The following COX10 variants were observed in gnomAD, a reference collection of about 807,000 sequenced individuals.
COX10 encodes protoheme IX farnesyltransferase, mitochondrial.
Under a neutral mutation model 37.3 loss-of-function variants are expected in COX10, and 27 were observed. That is an observed-to-expected ratio of 0.72 (90% CI 0.53 to 1.00). The LOEUF is 1.00. Among genes scored for constraint, COX10 ranks in the 50% least tolerant of loss-of-function variants. COX10 has a pLI of 0.00. For synonymous variants in COX10, 222 were observed against 229.1 expected, an observed-to-expected ratio of 0.97 and a Z score of 0.28; for missense variants, 475 against 563.2, an observed-to-expected ratio of 0.84 and a Z score of 1.59.
At chr17:14,184,727 G>C (rs1190395555) in intron 5 of COX10, among the ~76,000 whole-genome samples, 3 of 152,204 alleles carry the variant, frequency 2.0e-5, no homozygotes, top group African/African-American at 4.8e-5. Flanking sequence ...GATATATAAT[G>C]AAAGACAACT....
chr17:14,192,316 T>A (rs1024909067), intron 6 of COX10, 95 bp downstream of exon 6: 3 of 1,613,692 alleles, frequency 1.9e-6, no homozygotes, highest in Non-Finnish European at 2.5e-6. Context: ...TTCCATTCCA[T>A]CCCACATTAA....
chr17:14,070,418 T>C (rs116811525), intron 1 of COX10, among the ~76,000 whole-genome samples: 1,847 of 152,340 alleles, frequency 0.012, 34 homozygotes, highest in African/African-American at 0.042. Flanking sequence ...ATATAAACCT[T>C]GTGATGGCAG....
intron 4 of COX10, among the ~76,000 whole-genome samples, chr17:14,126,321 G>A (rs147404309): frequency 0.013 from 1,937 of 152,142 alleles, 12 homozygotes; most frequent in African/African-American, 0.022. Flanking sequence ...AAAAGGTTCC[G>A]TATAAACTCT....
At chr17:14,123,832 G>A (rs544954998) in intron 4 of COX10, among the ~76,000 whole-genome samples, 3 of 152,272 alleles carry the variant, frequency 2.0e-5, no homozygotes, top group African/African-American at 7.2e-5. Flanking sequence ...ACAGGTGCAT[G>A]CAATTTATGT....
intron 5 of COX10, among the ~76,000 whole-genome samples, chr17:14,182,718 A>G (rs1296790781): frequency 6.6e-6 from 1 of 152,006 alleles, no homozygotes; most frequent in Non-Finnish European, 1.5e-5. Context: ...TTGTAATTTC[A>G]AAGTCATTTA....
chr17:14,143,031 C>G (rs1282896506), intron 4 of COX10, among the ~76,000 whole-genome samples: 1 of 152,178 alleles, frequency 6.6e-6, no homozygotes, highest in African/African-American at 2.4e-5. Context: ...GTCCCTCTAT[C>G]ATGTGGATGG....
chr17:14,133,625 C>A (rs1484355931), intron 4 of COX10, among the ~76,000 whole-genome samples: 1 of 151,450 alleles, frequency 6.6e-6, no homozygotes, highest in African/African-American at 2.4e-5. Context: ...AAAATGCCTG[C>A]CATCACTACC....
chr17:14,181,113 C>T (rs1397028882), intron 5 of COX10, among the ~76,000 whole-genome samples: 5 of 151,874 alleles, frequency 3.3e-5, no homozygotes, highest in Admixed American at 1.3e-4. Context: ...AGAAAATGTC[C>T]TTGGAGGAGT....
In COX10 at chr17:14,167,309, T is replaced by C. The variant is rs1050235709; in HGVS notation, c.695+7362T>C. Among the ~76,000 whole-genome samples the C allele has an allele frequency of 2.0e-5, 3 of 152,246 alleles. No homozygotes were observed. The South Asian group carries it at 6.2e-4, about 31-fold the overall frequency. On this transcript the variant is annotated intron_variant, in intron 5 of 6. Coordinates refer to ENST00000261643, the MANE Select transcript of COX10 (RefSeq NM_001303.4). ...GAAAGTGGTTTCTTGAGACCCAATG[T>C]ATTTCTGACGAAGATGCTGTGAACA... is the stretch of plus-strand genomic sequence containing the variant.
intron 4 of COX10, among the ~76,000 whole-genome samples, chr17:14,122,566 G>T (rs1021118879): frequency 1.3e-5 from 2 of 152,052 alleles, no homozygotes; most frequent in Non-Finnish European, 2.9e-5. Context: ...ATGATTTTCT[G>T]TGTGGGGCTG....
At chr17:14,084,714 G>C (rs1288912457) in intron 3 of COX10, among the ~76,000 whole-genome samples, 1 of 152,130 alleles carries the variant, frequency 6.6e-6, no homozygotes, top group Admixed American at 6.5e-5. Flanking sequence ...AGTCTGGAGT[G>C]CAATGGCATG....
intron 3 of COX10, among the ~76,000 whole-genome samples, chr17:14,087,829 G>A (rs925629581): frequency 6.6e-6 from 1 of 152,018 alleles, no homozygotes; most frequent in African/African-American, 2.4e-5. Flanking sequence ...GTGGCCTGCT[G>A]AGTTGGAAGA....
At chr17:14,113,165 C>G (rs188012265) in intron 4 of COX10, among the ~76,000 whole-genome samples, 1 of 152,240 alleles carries the variant, frequency 6.6e-6, no homozygotes, top group Admixed American at 6.5e-5. Context: ...AAAATGTCAA[C>G]AGACATTTCA....
chr17:14,106,074 T>G (rs1283898443), intron 4 of COX10, among the ~76,000 whole-genome samples: 1 of 152,032 alleles, frequency 6.6e-6, no homozygotes, highest in Admixed American at 6.6e-5. Flanking sequence ...CATGCAGTGG[T>G]GCAATCTTGG....
chr17:14,160,938 G>T (rs1185883278), intron 5 of COX10, among the ~76,000 whole-genome samples: 2 of 151,442 alleles, frequency 1.3e-5, no homozygotes, highest in South Asian at 2.1e-4. Context: ...ATCTGTTTTA[G>T]AGGGGAAAAT....
intron 3 of COX10, among the ~76,000 whole-genome samples, chr17:14,088,363 T>C (rs1915456833): frequency 6.6e-6 from 1 of 152,198 alleles, no homozygotes; most frequent in African/African-American, 2.4e-5. Context: ...TCAATTTTCA[T>C]TTTTATTCCA....
chr17:14,074,245 C>T, intron 1 of COX10, 78 bp from the exon 2 acceptor site: 1 of 1,560,460 alleles, frequency 6.4e-7, no homozygotes, highest in Admixed American at 1.7e-5. Flanking sequence ...GCTGGCTTTG[C>T]TTCTGGGGAG....
At chr17:14,160,146 G>A (rs1214589696) in intron 5 of COX10, among the ~76,000 whole-genome samples, 199 bp downstream of exon 5, 2 of 152,088 alleles carry the variant, frequency 1.3e-5, no homozygotes. Flanking sequence ...TGTAAGAGTG[G>A]CAGGGTTTTT....
intron 4 of COX10, among the ~76,000 whole-genome samples, chr17:14,142,266 C>A (rs1304754867): frequency 6.6e-6 from 1 of 152,198 alleles, no homozygotes; most frequent in East Asian, 1.9e-4. Flanking sequence ...CTACTTTACA[C>A]AGATAGTTGT....
Sources: gnomAD v4.1 joint callset for allele counts (sites outside exome capture counted in the v4.1 genomes callset) on GRCh38, gnomAD v4.1.1 for gene constraint, MANE v1.5 for transcripts, NCBI Gene and HGNC (gene_info 2026-07-23, HGNC 2026-07-21) for gene names.